EML4: variants seen among roughly 807,000 people sequenced by gnomAD.
The protein encoded by EML4 is EMAP like 4.
A neutral mutation model predicts 129.0 loss-of-function variants in EML4; 72 were observed. That is an observed-to-expected ratio of 0.56 (90% CI 0.46 to 0.68). EML4 has a LOEUF of 0.68. Among genes scored for constraint, EML4 ranks in the 30% least tolerant of loss-of-function variants. The pLI is 0.00. For missense variants in EML4, 1,363 were observed against 1,190.6 expected (o/e 1.14, Z -2.13); for synonymous variants, 532 against 405.0 (o/e 1.31, Z -3.77).
chr2:42,284,420 T>C (rs1031523699), intron 8 of EML4, among the ~76,000 whole-genome samples: 1 of 152,216 alleles, frequency 6.6e-6, no homozygotes, highest in African/African-American at 2.4e-5. Context: ...TTGAACTTAG[T>C]GTTTCATTAA....
intron 13 of EML4, among the ~76,000 whole-genome samples, chr2:42,300,192 C>G (rs975563547): frequency 1.3e-5 from 2 of 152,162 alleles, no homozygotes; most frequent in African/African-American, 4.8e-5. Context: ...TATTGACTTA[C>G]TTTGGCCATA....
intron 8 of EML4, 45 bp downstream of exon 8, chr2:42,283,017 T>C (rs776700461): frequency 1.6e-5 from 24 of 1,512,314 alleles, no homozygotes; most frequent in Non-Finnish European, 2.0e-5. Context: ...TTTCAGGCCC[T>C]CATTTTGTAT....
rs573939727 is a variant in EML4, at chr2:42,308,820, A to G, written c.1967+4269A>G. ...AGGTTGTCTGTTCTGGGCATTTTCT[A>G]TAAATGGAATGAATCATATAACGTG... is the stretch of plus-strand genomic sequence containing the variant. On this transcript the variant is annotated intron_variant, in intron 17 of 22. Transcript: ENST00000318522. Among the ~76,000 whole-genome samples, 15 of 152,110 alleles carry G rather than the reference A, an allele frequency of 9.9e-5. No homozygotes were observed. In the South Asian group the frequency reaches 1.2e-3, roughly 13 times the overall value.
intron 13 of EML4, among the ~76,000 whole-genome samples, chr2:42,297,513 A>G (rs1222401968): frequency 6.6e-6 from 1 of 152,198 alleles, no homozygotes; most frequent in African/African-American, 2.4e-5. Context: ...GGGCACATGA[A>G]ATGGCCTGTG....
chr2:42,242,217 T>A (rs999733445), intron 1 of EML4, among the ~76,000 whole-genome samples: 1 of 152,180 alleles, frequency 6.6e-6, no homozygotes, highest in African/African-American at 2.4e-5. Context: ...GTTATATGTT[T>A]ACAAAAATCA....
chr2:42,223,444 T>A (rs1383944800), intron 1 of EML4, among the ~76,000 whole-genome samples: 1 of 152,202 alleles, frequency 6.6e-6, no homozygotes, highest in Non-Finnish European at 1.5e-5. Context: ...TTTGAACCTG[T>A]AAAGACATGC....
chr2:42,306,718 G>A (rs953031714), intron 17 of EML4, among the ~76,000 whole-genome samples: 4 of 150,724 alleles, frequency 2.7e-5, no homozygotes, highest in East Asian at 2.0e-4. Context: ...TAGCCAGGAT[G>A]GTCTCAATCT....
intron 1 of EML4, among the ~76,000 whole-genome samples, chr2:42,178,540 AC>A (rs1670749512): frequency 6.6e-6 from 1 of 152,070 alleles, no homozygotes; most frequent in South Asian, 2.1e-4. Flanking sequence ...GAGCAGCGAG[AC>A]CCTGTCTCAA....
Position 42,230,532 on chromosome 2 carries a change from T to C in EML4, c.26-14973T>C, listed in dbSNP as rs569450646. Among the ~76,000 whole-genome samples the C allele has an allele frequency of 2.6e-5, 4 of 152,152 alleles. No homozygotes were observed. In the South Asian group the frequency reaches 8.3e-4, roughly 32 times the overall value. On this transcript the variant is annotated intron_variant, in intron 1 of 22. Transcript: ENST00000318522. ...AGTGATTCTCCTGCCTCAGCCTCCC[T>C]AGTAGCTGGGACTACAGGTGTGTGC...
At chr2:42,177,731 C>T (rs1440417003) in intron 1 of EML4, among the ~76,000 whole-genome samples, 23 of 152,122 alleles carry the variant, frequency 1.5e-4, no homozygotes, top group Admixed American at 1.5e-3. Flanking sequence ...GAATTCTGTG[C>T]CAGATTCTAG....
intron 1 of EML4, among the ~76,000 whole-genome samples, chr2:42,173,351 T>A (rs935109414): frequency 6.6e-6 from 1 of 152,178 alleles, no homozygotes; most frequent in Admixed American, 6.5e-5. Context: ...GAGTTCAAGA[T>A]AGACTCAAGT....
chr2:42,308,245 G>A (rs898106212), intron 17 of EML4, among the ~76,000 whole-genome samples: 6 of 152,208 alleles, frequency 3.9e-5, no homozygotes, highest in African/African-American at 1.4e-4. Context: ...GCTCATGCCT[G>A]TAATCCCATC....
At chr2:42,194,382 T>C (rs951003980) in intron 1 of EML4, among the ~76,000 whole-genome samples, 3 of 149,136 alleles carry the variant, frequency 2.0e-5, no homozygotes, top group East Asian at 2.0e-4. Context: ...ATTTATATCA[T>C]TGTTGACTTG....
chr2:42,185,766 T>G (rs949400459), intron 1 of EML4, among the ~76,000 whole-genome samples: 4 of 152,164 alleles, frequency 2.6e-5, no homozygotes, highest in Admixed American at 6.5e-5. Context: ...TTAGAAAGTT[T>G]AGTTTGCTCG....
chr2:42,236,821 T>C (rs915621005), intron 1 of EML4, among the ~76,000 whole-genome samples: 1 of 152,202 alleles, frequency 6.6e-6, no homozygotes, highest in Non-Finnish European at 1.5e-5. Context: ...GGGAACACTG[T>C]ATGTTGTCAC....
At chr2:42,277,694 G>A (rs528404051) in intron 6 of EML4, among the ~76,000 whole-genome samples, 11 of 151,352 alleles carry the variant, frequency 7.3e-5, no homozygotes, top group African/African-American at 1.9e-4. Context: ...TCAGCCTTCC[G>A]AGTAGCTGGG....
At chr2:42,250,732 A>G (rs1312780267) in intron 2 of EML4, among the ~76,000 whole-genome samples, 1 of 151,966 alleles carries the variant, frequency 6.6e-6, no homozygotes, top group Non-Finnish European at 1.5e-5. Flanking sequence ...TGTTCTTCAG[A>G]CTGGGGTGGG....
intron 1 of EML4, among the ~76,000 whole-genome samples, chr2:42,172,115 A>G (rs1670318396): frequency 6.6e-6 from 1 of 152,040 alleles, no homozygotes; most frequent in Non-Finnish European, 1.5e-5. Flanking sequence ...GGTTACAACT[A>G]TTGAAAGCAT....
At chr2:42,252,588 G>A (rs564745149) in intron 2 of EML4, among the ~76,000 whole-genome samples, 1 of 152,200 alleles carries the variant, frequency 6.6e-6, no homozygotes, top group East Asian at 1.9e-4. Flanking sequence ...TCCTCTCTGT[G>A]AACTATCCCC....
Sources: gnomAD v4.1 joint callset for allele counts (sites outside exome capture counted in the v4.1 genomes callset) on GRCh38, gnomAD v4.1.1 for gene constraint, MANE v1.5 for transcripts, NCBI Gene and HGNC (gene_info 2026-07-23, HGNC 2026-07-21) for gene names.